Variants in PDE4D observed in about 807,000 individuals in gnomAD.
PDE4D encodes phosphodiesterase 4D, also known as 3',5'-cyclic-AMP phosphodiesterase 4D.
In PDE4D, 24 loss-of-function variants were observed where a neutral mutation model predicts 87.4. The observed-to-expected ratio is 0.27, with a 90% CI of 0.20 to 0.39. The LOEUF is 0.39. Ranked by LOEUF, PDE4D falls within the 10% of genes least tolerant of loss-of-function variation. The pLI, the probability that PDE4D is intolerant of heterozygous loss-of-function variation, is 1.00. For synonymous variants in PDE4D, 384 were observed against 383.2 expected, an observed-to-expected ratio of 1.00 and a Z score of -0.02; for missense variants, 714 against 1,041.0, an observed-to-expected ratio of 0.69 and a Z score of 4.32.
intron 1 of PDE4D, among the ~76,000 whole-genome samples, chr5:60,370,151 C>T (rs1268728903): frequency 6.6e-6 from 1 of 152,164 alleles, no homozygotes; most frequent in Non-Finnish European, 1.5e-5. Flanking sequence ...GCTCCCCTAA[C>T]AGGACAGAGC....
chr5:59,791,270 T>C (rs116607072), intron 1 of PDE4D, among the ~76,000 whole-genome samples: 1 of 152,334 alleles, frequency 6.6e-6, no homozygotes, highest in Non-Finnish European at 1.5e-5. Flanking sequence ...ACATTACTTA[T>C]TAAAAGCCAG....
chr5:60,200,448 C>G (rs1039996484), intron 1 of PDE4D, among the ~76,000 whole-genome samples: 2 of 149,854 alleles, frequency 1.3e-5, no homozygotes, highest in Admixed American at 6.7e-5. Context: ...ATTCTAATCC[C>G]GAAATGAATT....
At chr5:59,096,054 CT>C (rs984434336) in intron 5 of PDE4D, among the ~76,000 whole-genome samples, 1 of 152,038 alleles carries the variant, frequency 6.6e-6, no homozygotes, top group African/African-American at 2.4e-5. Context: ...GAGCATCTAG[CT>C]TTTTTCTTCA....
At chr5:59,956,743 G>A (rs190474880) in intron 3 of PDE4D, among the ~76,000 whole-genome samples, 197 of 152,170 alleles carry the variant, frequency 1.3e-3, no homozygotes, top group African/African-American at 4.5e-3. Flanking sequence ...TCTTACAAAT[G>A]TTTTCAGTAG....
intron 1 of PDE4D, among the ~76,000 whole-genome samples, chr5:59,597,769 C>G (rs1561292981): frequency 6.6e-6 from 1 of 152,074 alleles, no homozygotes; most frequent in Non-Finnish European, 1.5e-5. Context: ...GTAGAATAAT[C>G]TTTGCATTCA....
intron 1 of PDE4D, among the ~76,000 whole-genome samples, chr5:60,363,219 C>G (rs896412626): frequency 5.3e-5 from 8 of 152,086 alleles, no homozygotes; most frequent in Non-Finnish European, 7.4e-5. Flanking sequence ...CTATATCTAC[C>G]ATTAGATTAT....
intron 1 of PDE4D, among the ~76,000 whole-genome samples, chr5:59,407,599 G>C (rs1791925152): frequency 6.6e-6 from 1 of 152,210 alleles, no homozygotes; most frequent in Non-Finnish European, 1.5e-5. Flanking sequence ...AAACTTGGTA[G>C]AGACTGATTA....
chr5:59,344,884 A>G (rs930019733), intron 1 of PDE4D, among the ~76,000 whole-genome samples: 9 of 152,154 alleles, frequency 5.9e-5, no homozygotes, highest in African/African-American at 2.2e-4. Flanking sequence ...TGGGACCCAC[A>G]GTTATCACAC....
At chr5:60,275,551 A>T (rs1015540706) in intron 1 of PDE4D, among the ~76,000 whole-genome samples, 5 of 151,526 alleles carry the variant, frequency 3.3e-5, no homozygotes, top group African/African-American at 1.2e-4. Flanking sequence ...TTAATAGGGT[A>T]TTGGCATTTT....
At chr5:60,046,343 T>A (rs961386803) in intron 2 of PDE4D, among the ~76,000 whole-genome samples, 1 of 152,116 alleles carries the variant, frequency 6.6e-6, no homozygotes, top group African/African-American at 2.4e-5. Flanking sequence ...CTTTTCCTAA[T>A]TGAATACCCT....
At chr5:60,468,362 C>T (rs1015086200) in intron 1 of PDE4D, among the ~76,000 whole-genome samples, 1 of 151,962 alleles carries the variant, frequency 6.6e-6, no homozygotes, top group Admixed American at 6.6e-5. Context: ...TGGTCTTGAA[C>T]TCCTGAGTTC....
At chr5:59,629,500 G>A (rs1404325007) in intron 1 of PDE4D, among the ~76,000 whole-genome samples, 1 of 151,964 alleles carries the variant, frequency 6.6e-6, no homozygotes. Flanking sequence ...AAGACGAAGA[G>A]AAAATACAGA....
At chr5:60,021,705 T>C (rs751159858) in intron 2 of PDE4D, 1 of 152,160 alleles carries the variant, frequency 6.6e-6, no homozygotes, top group East Asian at 1.9e-4. Flanking sequence ...GAATACTAAA[T>C]ACACTAAGAA....
At chr5:59,426,683 G>A (rs1291182444) in intron 1 of PDE4D, among the ~76,000 whole-genome samples, 3 of 151,968 alleles carry the variant, frequency 2.0e-5, no homozygotes, top group East Asian at 1.9e-4. Context: ...CATGACACCC[G>A]GCTGTGAAAA....
At position 59,792,402 on chromosome 5, in the gene PDE4D, C is replaced by CTGTGTGTGTGTGTGTGTGTG. The variant is rs3062592; in HGVS notation, c.455+100746_455+100765dup. On this transcript the variant is annotated intron_variant, in intron 1 of 14. Transcript: ENST00000340635. ...CAACCAACTTTGAGGCTCCAAGAAGCTGTGTGTGTGTGTGTGTGTGTGTGT... is the reference window on the plus strand; with the variant it reads ...CAACCAACTTTGAGGCTCCAAGAAGCTGTGTGTGTGTGTGTGTGTGTGTGTGTGTGTGTGTGTGTGTGTGT... Among the ~76,000 whole-genome samples the CTGTGTGTGTGTGTGTGTGTG allele has an allele frequency of 9.1e-3, 1,266 of 138,808 alleles. 34 individuals are homozygous for CTGTGTGTGTGTGTGTGTGTG. Among genetic ancestry groups the CTGTGTGTGTGTGTGTGTGTG allele is most frequent in the African/African-American group, 0.032 (1,148 of 35,524 alleles). The allele number at this position is 138,808 out of a possible 152,430, so 91.1% of individuals were successfully genotyped here.
chr5:59,044,396 T>C (rs1279362575), intron 5 of PDE4D, among the ~76,000 whole-genome samples: 1 of 152,202 alleles, frequency 6.6e-6, no homozygotes, highest in East Asian at 1.9e-4. Flanking sequence ...CCCTAACCAG[T>C]TCCAGCTTCT....
intron 1 of PDE4D, among the ~76,000 whole-genome samples, chr5:59,717,142 C>CGGGAG (rs1755151296): frequency 6.6e-6 from 1 of 152,148 alleles, no homozygotes; most frequent in Non-Finnish European, 1.5e-5. Flanking sequence ...TGCCTTTATT[C>CGGGAG]TCTCTCAGAT....
At chr5:59,998,129 A>C (rs934473217) in intron 2 of PDE4D, among the ~76,000 whole-genome samples, 3 of 152,212 alleles carry the variant, frequency 2.0e-5, no homozygotes, top group African/African-American at 7.2e-5. Flanking sequence ...GTTCTAACTG[A>C]GGATCCTTCA....
intron 2 of PDE4D, among the ~76,000 whole-genome samples, chr5:60,136,753 T>C (rs1490611888): frequency 6.6e-6 from 1 of 152,138 alleles, no homozygotes; most frequent in Non-Finnish European, 1.5e-5. Flanking sequence ...GTGTGCTCAG[T>C]TAATATAAAT....
Sources: gnomAD v4.1 joint callset for allele counts (sites outside exome capture counted in the v4.1 genomes callset) on GRCh38, gnomAD v4.1.1 for gene constraint, MANE v1.5 for transcripts, NCBI Gene and HGNC (gene_info 2026-07-23, HGNC 2026-07-21) for gene names.